The following TTC13 variants were observed in gnomAD, a reference collection of about 807,000 sequenced individuals.
The protein encoded by TTC13 is tetratricopeptide repeat domain 13.
Under a neutral mutation model 120.0 loss-of-function variants are expected in TTC13, and 62 were observed. The ratio of observed to expected loss-of-function variants is 0.52; its 90% CI spans 0.42 to 0.64. The LOEUF is 0.64. TTC13 is among the 30% of genes least tolerant of loss of function. The pLI, the probability that TTC13 is intolerant of heterozygous loss-of-function variation, is 0.00. For synonymous variants in TTC13, 384 were observed against 393.5 expected (o/e 0.98, Z 0.28); for missense variants, 824 against 1,050.2 (o/e 0.78, Z 2.98).
chr1:230,967,268 C>T (rs1316347420), intron 1 of TTC13, among the ~76,000 whole-genome samples: 1 of 152,084 alleles, frequency 6.6e-6, no homozygotes, highest in Non-Finnish European at 1.5e-5. Context: ...CATTTAATAA[C>T]TGAGATTTCA....
chr1:230,975,297 C>T (rs1294879346), intron 1 of TTC13, among the ~76,000 whole-genome samples: 1 of 151,888 alleles, frequency 6.6e-6, no homozygotes, highest in African/African-American at 2.4e-5. Context: ...TGGCTTCAAA[C>T]CAGGAATTTA....
intron 6 of TTC13, 24 bp downstream of exon 6, chr1:230,943,782 A>AG: frequency 6.4e-7 from 1 of 1,565,330 alleles, no homozygotes; most frequent in Non-Finnish European, 8.7e-7. Context: ...ATAATGACAG[A>AG]GGGAAAAAGA....
At chr1:230,919,050 T>C (rs1672314603) in intron 17 of TTC13, among the ~76,000 whole-genome samples, 3 of 152,176 alleles carry the variant, frequency 2.0e-5, no homozygotes, top group African/African-American at 7.2e-5. Flanking sequence ...ATCAAATAAT[T>C]TCTGTCCCTT....
At position 230,958,212 on chromosome 1, in the gene TTC13, T is replaced by C. The variant is rs762416623; in HGVS notation, c.442+12A>G. ...CAAATATTACAGGAATATTACCAGA[T>C]TCAAGTCTTACCTAACTCTTCATTT... On this transcript the variant is annotated intron_variant, in intron 3 of 22. Coordinates refer to ENST00000366661, the MANE Select transcript of TTC13 (RefSeq NM_024525.5). 11 of 1,610,620 alleles carry C rather than the reference T, an allele frequency of 6.8e-6. No individual in the cohort carries two copies. The highest frequency in any genetic ancestry group is 6.7e-5 in the Admixed American group (4 of 59,302).
rs767793454 is a variant in TTC13, at chr1:230,906,951, T to C, written c.2537A>G (p.Glu846Gly). The C allele has an allele frequency of 1.9e-6, 3 of 1,545,978 alleles. No individual in the cohort carries two copies. The highest frequency in any genetic ancestry group is 1.7e-4 in the Middle Eastern group (1 of 5,794). The change falls in exon 23 of 23, where the codon GAG (glutamate) becomes GGG (glycine). Residue 846 changes from glutamate (E) to glycine (G), a missense_variant. Around this residue, in one of 4 missense-constraint regions of TTC13, gnomAD observed 226 missense variants for 259.1 expected, o/e 0.87. Coordinates refer to ENST00000366661, the MANE Select transcript of TTC13 (RefSeq NM_024525.5). ...ETFPTLRSMI[E>G]VLNTDSSPRC... ...TGGAGAAGAGTCTGTGTTTAGCACC[T>C]CAATCATCGATCTTAACGTTGGAAA... is the stretch of plus-strand genomic sequence containing the variant.
At chr1:230,937,407 TTTGAG>T (rs1674165506) in intron 8 of TTC13, among the ~76,000 whole-genome samples, 3 of 152,236 alleles carry the variant, frequency 2.0e-5, no homozygotes, top group Non-Finnish European at 2.9e-5. Context: ...AGGGATATAA[TTTGAG>T]TAGAGTACCG....
intron 7 of TTC13, among the ~76,000 whole-genome samples, chr1:230,939,976 A>G (rs1167811719): frequency 2.0e-5 from 3 of 152,242 alleles, no homozygotes; most frequent in Non-Finnish European, 4.4e-5. Context: ...CTGATGATAA[A>G]AGACAACCTT....
chr1:230,936,788 A>C (rs1175743772), intron 8 of TTC13, among the ~76,000 whole-genome samples: 1 of 152,240 alleles, frequency 6.6e-6, no homozygotes, highest in African/African-American at 2.4e-5. Context: ...TGGTCCATTT[A>C]ATACTTGTCT....
chr1:230,917,959 G>A (rs957896696), intron 17 of TTC13, among the ~76,000 whole-genome samples: 4 of 152,184 alleles, frequency 2.6e-5, no homozygotes, highest in Non-Finnish European at 4.4e-5. Context: ...CCTGGGGGGC[G>A]CTGGGGAAAT....
intron 17 of TTC13, among the ~76,000 whole-genome samples, chr1:230,918,339 G>T (rs1672243237): frequency 6.6e-6 from 1 of 152,046 alleles, no homozygotes; most frequent in South Asian, 2.1e-4. Flanking sequence ...CACAGATATG[G>T]GGCTACACTT....
intron 2 of TTC13, among the ~76,000 whole-genome samples, chr1:230,958,976 A>G (rs1481308211): frequency 6.6e-6 from 1 of 152,230 alleles, no homozygotes; most frequent in Non-Finnish European, 1.5e-5. Flanking sequence ...AGCCTGGGCA[A>G]AACAGTGAGA....
chr1:230,939,410 A>G lies in TTC13; in HGVS notation c.876T>C (p.Thr292=), dbSNP rs140287370. The change falls in exon 8 of 23, where the codon ACT becomes ACC. Residue 292 remains threonine, a synonymous_variant. Transcript: ENST00000366661. The part of the protein sequence containing the change: ...QPIAMLYKGL[T]FFHRGLLKEA... ...CCTTCAGAAGTCCTCTGTGAAAGAAAGTTAAACCTTTGTATAGCATAGCTA... is the reference window on the plus strand; with the variant it reads ...CCTTCAGAAGTCCTCTGTGAAAGAAGGTTAAACCTTTGTATAGCATAGCTA... 3.8e-5 allele frequency: 61 copies of G among 1,611,228 alleles called. No individual in the cohort carries two copies. The highest frequency in any genetic ancestry group is 1.7e-4 in the Admixed American group (10 of 59,958).
At chr1:230,939,576 G>GA (rs879803670) in intron 7 of TTC13, 80 bp from the exon 8 acceptor site, 41 of 931,278 alleles carry the variant, frequency 4.4e-5, no homozygotes, top group South Asian at 7.1e-5. Context: ...GGCTGGTAGA[G>GA]AAAAAAAATC....
intron 12 of TTC13, among the ~76,000 whole-genome samples, chr1:230,927,914 C>T (rs960085732): frequency 8.5e-5 from 13 of 152,088 alleles, no homozygotes; most frequent in African/African-American, 2.9e-4. Context: ...CTTAATTGGC[C>T]CACTCCCACA....
rs775263742 is a variant in TTC13, at chr1:230,928,930, C to T, written c.1457+7G>A. 2 of 1,613,228 alleles carry T rather than the reference C, an allele frequency of 1.2e-6. No homozygotes were observed. Among genetic ancestry groups the T allele is most frequent in the East Asian group, 2.2e-5 (1 of 44,856 alleles). On this transcript the variant is annotated splice_region_variant and intron_variant, in intron 12 of 22. Transcript: ENST00000366661. ...AAAAAAAAATCATCTTCATTTAAAG[C>T]ACTTACTTTATGTGGGGTTGCAACC...
At chr1:230,958,188 A>C in intron 3 of TTC13, 36 bp downstream of exon 3, 1 of 1,602,676 alleles carries the variant, frequency 6.2e-7, no homozygotes, top group Non-Finnish European at 8.5e-7. Context: ...ACTTTGAGGC[A>C]AATATTACAG....
Position 230,929,097 on chromosome 1 carries a change from C to T in TTC13, c.1301-4G>A. The T allele has an allele frequency of 1.2e-6, 2 of 1,612,506 alleles. No homozygotes were observed. Among genetic ancestry groups the T allele is most frequent in the South Asian group, 1.1e-5 (1 of 90,784 alleles). On this transcript the variant is annotated splice_region_variant and splice_polypyrimidine_tract_variant and intron_variant, in intron 11 of 22. Transcript: ENST00000366661. ...GCATGAAGATATCGAGAATACTCTGCAGAAAGGAAATGAGATCTGACACAT... is the reference window on the plus strand; with the variant it reads ...GCATGAAGATATCGAGAATACTCTGTAGAAAGGAAATGAGATCTGACACAT...
chr1:230,947,200 C>T (rs557298071), intron 4 of TTC13, among the ~76,000 whole-genome samples: 1 of 151,988 alleles, frequency 6.6e-6, no homozygotes, highest in Non-Finnish European at 1.5e-5. Context: ...CCTGCCCCCC[C>T]AGAGATAAGC....
chr1:230,925,410 T>C (rs1672967917), intron 13 of TTC13, 107 bp downstream of exon 13: 3 of 1,275,494 alleles, frequency 2.4e-6, no homozygotes, highest in Non-Finnish European at 3.3e-6. Flanking sequence ...ACATGGAGAA[T>C]TTGAATAAGC....
Sources: gnomAD v4.1 joint callset for allele counts (sites outside exome capture counted in the v4.1 genomes callset) on GRCh38, gnomAD v4.1.1 for gene constraint, gnomAD v4.1.1 regional missense constraint, MANE v1.5 for transcripts, NCBI Gene and HGNC (gene_info 2026-07-23, HGNC 2026-07-21) for gene names.